Variants in GREB1 observed in about 807,000 individuals in gnomAD.
GREB1 encodes the protein protein GREB1.
In GREB1, 106 loss-of-function variants were observed where a neutral mutation model predicts 200.7. The ratio of observed to expected loss-of-function variants is 0.53; its 90% CI spans 0.45 to 0.62. The LOEUF (loss-of-function observed/expected upper bound fraction) is 0.62. Among genes scored for constraint, GREB1 ranks in the 20% least tolerant of loss-of-function variants. The probability of loss-of-function intolerance (pLI) is 0.00; values close to 1 mark genes in which losing one functional copy is unlikely to be tolerated. For missense variants in GREB1, 2,243 were observed against 2,556.8 expected (o/e 0.88, Z 2.65); for synonymous variants, 1,132 against 1,092.4 (o/e 1.04, Z -0.72).
intron 12 of GREB1, among the ~76,000 whole-genome samples, chr2:11,595,730 C>T (rs1177362703): frequency 6.6e-6 from 1 of 152,096 alleles, no homozygotes; most frequent in African/African-American, 2.4e-5. Context: ...TGGAGAGTTC[C>T]GCATCCCTCG....
In GREB1 at chr2:11,576,450, G is replaced by A. The variant is rs1260690335; in HGVS notation, c.552G>A (p.Lys184=). The change falls in exon 5 of 33, where the codon AAG becomes AAA. Residue 184 remains lysine, a synonymous_variant. Transcript: ENST00000381486. ...HINLKLTTQP[K]KQKHLKYYLV... Reference sequence around the variant, plus strand: ...ATCTGAAACTGACCACTCAACCCAAGAAGCAGAAACACTTGAAGTATTACC... The same window carrying A: ...ATCTGAAACTGACCACTCAACCCAAAAAGCAGAAACACTTGAAGTATTACC... The A allele has an allele frequency of 6.2e-7, 1 of 1,614,000 alleles. No homozygotes were observed. Among genetic ancestry groups the A allele is most frequent in the East Asian group, 2.2e-5 (1 of 44,878 alleles).
In GREB1 at chr2:11,556,302, AC is replaced by A. The variant is rs1246060425; in HGVS notation, c.-161-150del. On this transcript the variant is annotated intron_variant, in intron 1 of 32. Transcript: ENST00000381486. Reference sequence around the variant, plus strand: ...TCGTCTGGGAACTCTCAGGGGCAGGACCACATCTCTGGGAAAAGTGGGAGTC... The same window carrying A: ...TCGTCTGGGAACTCTCAGGGGCAGGACACATCTCTGGGAAAAGTGGGAGTC... The A allele has an allele frequency of 4.5e-5, 9 of 199,842 alleles. No individual in the cohort carries two copies. In the East Asian group the frequency reaches 1.1e-3, roughly 24 times the overall value. The allele number at this position is 199,842 out of a possible 1,614,324, so 12.4% of individuals were successfully genotyped here. A position where few individuals can be genotyped will look rare whatever the true frequency, so the allele number is the denominator to read the frequency against.
chr2:11,555,813 G>A (rs1432576710), intron 1 of GREB1, among the ~76,000 whole-genome samples: 1 of 152,158 alleles, frequency 6.6e-6, no homozygotes, highest in Non-Finnish European at 1.5e-5. Context: ...ATAGTTACAC[G>A]ACACTGTGAA....
At chr2:11,595,141 T>TCCAGCTGTTAGA in intron 11 of GREB1, 110 bp from the exon 12 acceptor site, 3 of 987,252 alleles carry the variant, frequency 3.0e-6, no homozygotes, top group Non-Finnish European at 4.5e-6. Context: ...TAGCCACAGA[T>TCCAGCTGTTAGA]TCCAGATGGG....
intron 10 of GREB1, 108 bp from the exon 11 acceptor site, chr2:11,592,668 A>T: frequency 1.5e-6 from 1 of 675,278 alleles, no homozygotes; most frequent in Non-Finnish European, 2.3e-6. Flanking sequence ...CATCTGTGAT[A>T]CGATTTCACA....
intron 1 of GREB1, among the ~76,000 whole-genome samples, chr2:11,485,275 ATT>A (rs56041700): frequency 0.93 from 124,715 of 133,718 alleles, 58,405 homozygotes; most frequent in Middle Eastern, 0.99. Flanking sequence ...ATATATATGT[ATT>A]TTTTTTTTTT....
In GREB1 at chr2:11,560,940, T is replaced by G. The variant is rs541446468; in HGVS notation, c.158-1523T>G. Among the ~76,000 whole-genome samples, 4 of 152,324 alleles carry G rather than the reference T, an allele frequency of 2.6e-5. No individual in the cohort carries two copies. The East Asian group carries it at 7.7e-4, about 29-fold the overall frequency. Reference sequence around the variant, plus strand: ...GCAGTGCTTAGTGAATAAGGTACGATTCTGTGTACCCAGAGCCACTGGGCT... The same window carrying G: ...GCAGTGCTTAGTGAATAAGGTACGAGTCTGTGTACCCAGAGCCACTGGGCT... On this transcript the variant is annotated intron_variant, in intron 2 of 32. Transcript: ENST00000381486.
chr2:11,602,874 TAGTC>T (rs1681909719), intron 17 of GREB1, among the ~76,000 whole-genome samples: 2 of 151,922 alleles, frequency 1.3e-5, no homozygotes, highest in Non-Finnish European at 2.9e-5. Flanking sequence ...GTGATGATCA[TAGTC>T]AGCTTTGTTT....
intron 1 of GREB1, among the ~76,000 whole-genome samples, chr2:11,488,533 G>A (rs896626132): frequency 2.0e-5 from 3 of 152,132 alleles, no homozygotes; most frequent in African/African-American, 4.8e-5. Context: ...GCTCATGCCT[G>A]TAATCCCAGC....
At position 11,592,882 on chromosome 2, in the gene GREB1, G is replaced by A; in HGVS notation, c.1452G>A (p.Gln484=). Residue 484 remains glutamine, a synonymous_variant, in exon 11 of 33, where the codon CAG becomes CAA. Coordinates refer to ENST00000381486, the MANE Select transcript of GREB1 (RefSeq NM_014668.4). ...EIRQYQQAPP[Q]PFPPAPSAAA... is the part of the protein sequence containing the mutation. ...GGCAGTACCAGCAGGCGCCGCCGCA[G>A]CCCTTCCCGCCCGCGCCCAGCGCCG... is the stretch of plus-strand genomic sequence containing the variant. The A allele has an allele frequency of 6.3e-7, 1 of 1,598,168 alleles. No individual in the cohort carries two copies. The highest frequency in any genetic ancestry group is 1.1e-5 in the South Asian group (1 of 88,940).
Position 11,634,199 on chromosome 2 carries a change from A to G in GREB1, c.5060A>G (p.Asp1687Gly). 2 of 1,614,200 alleles carry G rather than the reference A, an allele frequency of 1.2e-6. No homozygotes were observed. The highest frequency in any genetic ancestry group is 1.7e-6 in the Non-Finnish European group (2 of 1,180,026). ...HIMQHIEAAP[D>G]IMHYALLGLR... ...ATGCAGCACATCGAGGCGGCCCCCG[A>G]CATCATGCACTACGCCCTGCTGGGC... is the stretch of plus-strand genomic sequence containing the variant. The change falls in exon 29 of 33, where the codon GAC becomes GGC. Residue 1687 changes from aspartate to glycine, a missense_variant. Around this residue, in one of 3 missense-constraint regions of GREB1, gnomAD observed 478 missense variants for 616.3 expected, o/e 0.78. Coordinates refer to ENST00000381486, the MANE Select transcript of GREB1 (RefSeq NM_014668.4).
chr2:11,575,630 C>T (rs963008591), intron 4 of GREB1, among the ~76,000 whole-genome samples: 1 of 152,200 alleles, frequency 6.6e-6, no homozygotes, highest in African/African-American at 2.4e-5. Context: ...ATTCACTCAC[C>T]AGCATGCTGG....
At chr2:11,491,222 C>T (rs1672768536) in intron 1 of GREB1, among the ~76,000 whole-genome samples, 1 of 152,220 alleles carries the variant, frequency 6.6e-6, no homozygotes, top group Non-Finnish European at 1.5e-5. Flanking sequence ...CAGTACAGCA[C>T]TGTCTTAATA....
chr2:11,502,042 G>T (rs1673062955), intron 1 of GREB1, among the ~76,000 whole-genome samples: 1 of 148,996 alleles, frequency 6.7e-6, no homozygotes, highest in African/African-American at 2.5e-5. Context: ...TCAGCCTCCT[G>T]AGTAGCTGGG....
chr2:11,521,990 C>T (rs1021564621), intron 1 of GREB1, among the ~76,000 whole-genome samples: 1 of 152,144 alleles, frequency 6.6e-6, no homozygotes, highest in African/African-American at 2.4e-5. Flanking sequence ...TAGTTAATCT[C>T]GGCTCTTTAA....
chr2:11,571,348 C>G (rs1001118672), intron 4 of GREB1, among the ~76,000 whole-genome samples: 4 of 152,170 alleles, frequency 2.6e-5, no homozygotes, highest in African/African-American at 9.7e-5. Context: ...GCCAGGATGT[C>G]TTCCTGGAAT....
At chr2:11,552,293 G>A (rs560951665) in intron 1 of GREB1, among the ~76,000 whole-genome samples, 1 of 152,330 alleles carries the variant, frequency 6.6e-6, no homozygotes, top group East Asian at 1.9e-4. Context: ...GATGTGTTAG[G>A]GCGTGGAAGA....
chr2:11,555,111 G>T (rs1033482562), intron 1 of GREB1, among the ~76,000 whole-genome samples: 1 of 152,128 alleles, frequency 6.6e-6, no homozygotes, highest in African/African-American at 2.4e-5. Context: ...TGTTAATGAA[G>T]ATGAAAACTA....
chr2:11,516,472 T>G (rs2148461302), intron 1 of GREB1, among the ~76,000 whole-genome samples: 1 of 152,266 alleles, frequency 6.6e-6, no homozygotes, highest in South Asian at 2.1e-4. Flanking sequence ...TCCTCGAATG[T>G]CTTCTACAAC....
Sources: gnomAD v4.1 joint callset for allele counts (sites outside exome capture counted in the v4.1 genomes callset) on GRCh38, gnomAD v4.1.1 for gene constraint, gnomAD v4.1.1 regional missense constraint, MANE v1.5 for transcripts, NCBI Gene and HGNC (gene_info 2026-07-23, HGNC 2026-07-21) for gene names.